The following POLG2 variants were observed in gnomAD, a reference collection of about 807,000 sequenced individuals.
POLG2 encodes DNA polymerase subunit gamma-2.
In POLG2, 50 loss-of-function variants were observed where a neutral mutation model predicts 56.5. The ratio of observed to expected loss-of-function variants is 0.88; its 90% CI spans 0.71 to 1.12. POLG2 has a LOEUF of 1.12. POLG2 is among the 50% of genes most tolerant of loss of function. POLG2 has a pLI of 0.00. For synonymous variants in POLG2, 226 were observed against 222.6 expected, an observed-to-expected ratio of 1.02 and a Z score of -0.14; for missense variants, 584 against 583.3, an observed-to-expected ratio of 1.00 and a Z score of -0.01.
Position 64,496,676 on chromosome 17 carries a change from C to G in POLG2, c.293G>C (p.Gly98Ala). Reference protein sequence around the residue: ...RDSLLSGCHPGFGPLGVELRK... With the variant: ...RDSLLSGCHPAFGPLGVELRK... ...CAACTCTACGCCCAAGGGTCCGAAGCCGGGGTGGCACCCACTCAGAAGAGA... is the reference window on the plus strand; with the variant it reads ...CAACTCTACGCCCAAGGGTCCGAAGGCGGGGTGGCACCCACTCAGAAGAGA... The change falls in exon 1 of 8, where the codon GGC (glycine) becomes GCC (alanine). Residue 98 changes from glycine to alanine, a missense_variant. Physicochemically the swap from Gly to Ala is moderately conservative, Grantham distance 60. Coordinates refer to ENST00000539111, the MANE Select transcript of POLG2 (RefSeq NM_007215.4). The G allele has an allele frequency of 6.2e-7, 1 of 1,614,074 alleles. No homozygotes were observed. Among genetic ancestry groups the G allele is most frequent in the African/African-American group, 1.3e-5 (1 of 74,990 alleles).
At position 64,497,045 on chromosome 17, in the gene POLG2, C is replaced by T. The variant is rs567697094; in HGVS notation, c.-77G>A. The T allele has an allele frequency of 6.3e-5, 91 of 1,435,390 alleles. 1 individual carries two copies. The African/African-American group carries it at 1.2e-3, about 18-fold the overall frequency. 88.9% of individuals were successfully genotyped at this position (1,435,390 alleles called of 1,614,324 possible). A position where few individuals can be genotyped will look rare whatever the true frequency, so the allele number is the denominator to read the frequency against. ...AAGCCACCACTACCGTTAACAGAAT[C>T]CGGAGAGGCCACGGCGCAGGCGCAA... On this transcript the variant is annotated 5_prime_UTR_variant, in exon 1 of 8. Coordinates refer to ENST00000539111, the MANE Select transcript of POLG2 (RefSeq NM_007215.4).
intron 7 of POLG2, among the ~76,000 whole-genome samples, chr17:64,478,667 A>G (rs9893965): frequency 0.28 from 42,028 of 151,716 alleles, 11,199 homozygotes; most frequent in African/African-American, 0.7. Context: ...GGAGGCTGAG[A>G]TGGGCGGATC....
At chr17:64,492,374 C>G (rs1419625255) in intron 3 of POLG2, among the ~76,000 whole-genome samples, 1 of 152,104 alleles carries the variant, frequency 6.6e-6, no homozygotes, top group Non-Finnish European at 1.5e-5. Context: ...GAAGCTGTGA[C>G]AATGGTCAAG....
At chr17:64,480,155 G>A (rs1555666196) in intron 7 of POLG2, 134 bp downstream of exon 7, 1 of 261,926 alleles carries the variant, frequency 3.8e-6, no homozygotes, top group African/African-American at 2.3e-5. Flanking sequence ...ACATAGTTCT[G>A]TAAAAGGGAA....
chr17:64,491,542 T>A (rs1568089302), intron 3 of POLG2: 1 of 1,548,010 alleles, frequency 6.5e-7, no homozygotes, highest in Non-Finnish European at 8.9e-7. Context: ...GTTGTACCAG[T>A]GAAGGACAAG....
chr17:64,486,611 A>G (rs1484227280), intron 4 of POLG2, among the ~76,000 whole-genome samples: 4 of 152,042 alleles, frequency 2.6e-5, no homozygotes, highest in African/African-American at 7.2e-5. Context: ...TGATCAGCCC[A>G]CCTCAGCCTC....
At chr17:64,480,170 A>C (rs2037833152) in intron 7 of POLG2, 119 bp downstream of exon 7, 1 of 282,038 alleles carries the variant, frequency 3.5e-6, no homozygotes, top group African/African-American at 2.3e-5. Context: ...AGGGAAACTG[A>C]GGAATAATTT....
At chr17:64,491,998 A>G (rs1457367544) in intron 3 of POLG2, among the ~76,000 whole-genome samples, 1 of 152,088 alleles carries the variant, frequency 6.6e-6, no homozygotes, top group Non-Finnish European at 1.5e-5. Context: ...GAAAATACTG[A>G]GTATATTGCT....
chr17:64,494,125 AG>A (rs2038110999), intron 1 of POLG2, among the ~76,000 whole-genome samples: 1 of 152,222 alleles, frequency 6.6e-6, no homozygotes, highest in Admixed American at 6.5e-5. Flanking sequence ...ATTTGAATCT[AG>A]AACATTTCCC....
chr17:64,497,047 GGA>G lies in POLG2; in HGVS notation c.-81_-80del. ...GCCACCACTACCGTTAACAGAATCC[GGA>G]GAGGCCACGGCGCAGGCGCAACGGA... On this transcript the variant is annotated 5_prime_UTR_variant, in exon 1 of 8. Coordinates refer to ENST00000539111, the MANE Select transcript of POLG2 (RefSeq NM_007215.4). The G allele has an allele frequency of 7.0e-7, 1 of 1,431,706 alleles. No homozygotes were observed. The allele number at this position is 1,431,706 out of a possible 1,614,324, so 88.7% of individuals were successfully genotyped here. A position where few individuals can be genotyped will look rare whatever the true frequency, so the allele number is the denominator to read the frequency against.
intron 6 of POLG2, among the ~76,000 whole-genome samples, chr17:64,482,167 G>A (rs1222950530): frequency 3.8e-4 from 48 of 127,918 alleles, no homozygotes; most frequent in Non-Finnish European, 5.6e-4. Flanking sequence ...GCAGTGCTGC[G>A]ATCTCGGCTC....
chr17:64,494,687 G>C (rs2038120492), intron 1 of POLG2, among the ~76,000 whole-genome samples: 1 of 152,060 alleles, frequency 6.6e-6, no homozygotes, highest in African/African-American at 2.4e-5. Context: ...GTATCTTAAT[G>C]TTCAATTTGT....
chr17:64,491,377 T>C (rs1173223040), intron 3 of POLG2: 3 of 566,502 alleles, frequency 5.3e-6, no homozygotes, highest in Non-Finnish European at 9.2e-6. Context: ...GGGGGATCAC[T>C]TGAGCTTAGG....
At chr17:64,493,053 T>G in intron 1 of POLG2, 32 bp from the exon 2 acceptor site, 2 of 1,612,194 alleles carry the variant, frequency 1.2e-6, no homozygotes, top group Non-Finnish European at 8.5e-7. Context: ...ATTGTATACA[T>G]CTAGTCCACA....
chr17:64,483,001 T>C lies in POLG2; in HGVS notation c.1111-2A>G. The C allele has an allele frequency of 1.3e-6, 2 of 1,554,376 alleles. No individual in the cohort carries two copies. The highest frequency in any genetic ancestry group is 1.8e-6 in the Non-Finnish European group (2 of 1,128,252). ...TAAACAAGGGTGAAGTTTAAGTACC[T>C]AAGGCAATTAAATGGGGGAGGGAGA... On this transcript the variant is annotated splice_acceptor_variant, in intron 5 of 7. Coordinates refer to ENST00000539111, the MANE Select transcript of POLG2 (RefSeq NM_007215.4). LOFTEE classifies it high-confidence loss of function.
At chr17:64,490,396 A>T (rs1301372708) in intron 4 of POLG2, 4 of 237,542 alleles carry the variant, frequency 1.7e-5, no homozygotes, top group Admixed American at 1.0e-4. Context: ...AAATACATAA[A>T]TCACGTGGAA....
At chr17:64,478,077 A>T in intron 7 of POLG2, 89 bp from the exon 8 acceptor site, 1 of 1,374,218 alleles carries the variant, frequency 7.3e-7, no homozygotes, top group Non-Finnish European at 1.0e-6. Flanking sequence ...GTGTTCATGC[A>T]CTCTCAAGAG....
chr17:64,490,719 C>T (rs1359453098), intron 4 of POLG2, 77 bp downstream of exon 4: 2 of 1,171,268 alleles, frequency 1.7e-6, no homozygotes, highest in Non-Finnish European at 2.6e-6. Flanking sequence ...CACGTTTGCA[C>T]CTTATTCTCA....
intron 1 of POLG2, among the ~76,000 whole-genome samples, chr17:64,494,533 T>C (rs1473251146): frequency 6.6e-6 from 1 of 152,158 alleles, no homozygotes; most frequent in African/African-American, 2.4e-5. Flanking sequence ...TCCTTCTACA[T>C]TTATTCCATA....
Sources: allele counts gnomAD v4.1 joint callset (sites outside exome capture counted in the v4.1 genomes callset), GRCh38; gene constraint gnomAD v4.1.1; transcripts MANE v1.5; gene names NCBI Gene and HGNC (gene_info 2026-07-23, HGNC 2026-07-21).